The following DSCAM variants were observed in gnomAD, a reference collection of about 807,000 sequenced individuals.
DSCAM encodes DS cell adhesion molecule, also known as cell adhesion molecule DSCAM.
Under a neutral mutation model 217.7 loss-of-function variants are expected in DSCAM, and 47 were observed. That is an observed-to-expected ratio of 0.22 (90% CI 0.17 to 0.28). DSCAM has a LOEUF of 0.28. DSCAM is among the 10% of genes least tolerant of loss of function. The probability of loss-of-function intolerance (pLI) is 1.00; values close to 1 mark genes in which losing one functional copy is unlikely to be tolerated. For missense variants in DSCAM, 2,080 were observed against 2,618.3 expected (o/e 0.79, Z 4.49); for synonymous variants, 1,056 against 1,015.3 (o/e 1.04, Z -0.76).
chr21:40,523,455 G>A (rs1243483247), intron 3 of DSCAM, among the ~76,000 whole-genome samples: 1 of 152,168 alleles, frequency 6.6e-6, no homozygotes, highest in Admixed American at 6.5e-5. Flanking sequence ...CACACCGACA[G>A]AAGCCAGCAG....
At chr21:40,559,269 C>T (rs1417488062) in intron 3 of DSCAM, among the ~76,000 whole-genome samples, 5 of 151,946 alleles carry the variant, frequency 3.3e-5, no homozygotes, top group Non-Finnish European at 7.4e-5. Context: ...CCATCCTGGT[C>T]AACACGGTGA....
intron 3 of DSCAM, among the ~76,000 whole-genome samples, chr21:40,415,100 G>A (rs764999600): frequency 3.9e-5 from 6 of 152,138 alleles, no homozygotes; most frequent in South Asian, 2.1e-4. Flanking sequence ...TGATTTGGAC[G>A]TTTTTCACAT....
At chr21:40,392,254 C>A (rs2075140439) in intron 3 of DSCAM, among the ~76,000 whole-genome samples, 1 of 151,978 alleles carries the variant, frequency 6.6e-6, no homozygotes, top group Non-Finnish European at 1.5e-5. Flanking sequence ...TATTTATGTA[C>A]AGGTATTAAG....
chr21:40,187,750 T>C (rs937652123), intron 13 of DSCAM, 141 bp downstream of exon 13: 1 of 792,986 alleles, frequency 1.3e-6, no homozygotes, highest in Admixed American at 2.1e-5. Context: ...GCTTTAGCAC[T>C]GACATTATAC....
chr21:40,372,122 AG>A (rs1181981647), intron 3 of DSCAM, among the ~76,000 whole-genome samples: 1 of 152,194 alleles, frequency 6.6e-6, no homozygotes, highest in Non-Finnish European at 1.5e-5. Flanking sequence ...GACACAGCTA[AG>A]TCATTAGAGC....
chr21:40,612,737 C>T (rs2089332489), intron 3 of DSCAM, among the ~76,000 whole-genome samples: 3 of 152,106 alleles, frequency 2.0e-5, no homozygotes, highest in Admixed American at 2.0e-4. Context: ...TGGAGATGGA[C>T]AAACTGCAAG....
At chr21:40,738,250 T>C (rs921827638) in intron 1 of DSCAM, among the ~76,000 whole-genome samples, 1 of 152,238 alleles carries the variant, frequency 6.6e-6, no homozygotes, top group Non-Finnish European at 1.5e-5. Context: ...TAAATTAAAA[T>C]GCACAACAGG....
At chr21:40,509,822 A>G (rs780086073) in intron 3 of DSCAM, among the ~76,000 whole-genome samples, 32 of 152,204 alleles carry the variant, frequency 2.1e-4, no homozygotes, top group Non-Finnish European at 2.1e-4. Context: ...ACATGCTTTG[A>G]TCTTTCTCTA....
chr21:40,749,936 T>TC, intron 1 of DSCAM, among the ~76,000 whole-genome samples: 1 of 151,804 alleles, frequency 6.6e-6, no homozygotes, highest in South Asian at 2.1e-4. Context: ...ACTTTCTTCT[T>TC]CTTTTTTTTT....
At chr21:40,761,875 A>G (rs1601227138) in intron 1 of DSCAM, among the ~76,000 whole-genome samples, 1 of 152,198 alleles carries the variant, frequency 6.6e-6, no homozygotes, top group Non-Finnish European at 1.5e-5. Context: ...GTAAATAACA[A>G]AATTAAGGCA....
intron 9 of DSCAM, among the ~76,000 whole-genome samples, chr21:40,297,901 C>G (rs1173827445): frequency 6.6e-6 from 1 of 152,074 alleles, no homozygotes; most frequent in Non-Finnish European, 1.5e-5. Flanking sequence ...TTTGTGCAAA[C>G]TGTAAAATGG....
intron 28 of DSCAM, among the ~76,000 whole-genome samples, chr21:40,062,000 C>T (rs1337355039): frequency 6.6e-6 from 1 of 152,164 alleles, no homozygotes; most frequent in African/African-American, 2.4e-5. Flanking sequence ...GCCTAAAATG[C>T]AAATATCAGG....
chr21:40,260,585 C>T (rs1387366673), intron 11 of DSCAM, among the ~76,000 whole-genome samples: 1 of 152,208 alleles, frequency 6.6e-6, no homozygotes, highest in Non-Finnish European at 1.5e-5. Flanking sequence ...GAAAAGTGAG[C>T]ATCACAACCA....
At chr21:40,138,366 G>GTGTGTTATATGTGTTGTGTGA (rs144015146) in intron 18 of DSCAM, among the ~76,000 whole-genome samples, 13,802 of 150,608 alleles carry the variant, frequency 0.092, 885 homozygotes, top group East Asian at 0.28. Flanking sequence ...GTAGCATGGG[G>GTGTGTTATATGTGTTGTGTGA]TGTGTTACAT....
intron 16 of DSCAM, among the ~76,000 whole-genome samples, chr21:40,155,732 G>A (rs1002880137): frequency 1.3e-5 from 2 of 152,136 alleles, no homozygotes; most frequent in Admixed American, 1.3e-4. Context: ...TGGTAAAGAG[G>A]TCAGTCGGGC....
intron 1 of DSCAM, among the ~76,000 whole-genome samples, chr21:40,711,415 TAAG>T (rs1274818575): frequency 6.6e-6 from 1 of 152,190 alleles, no homozygotes; most frequent in East Asian, 1.9e-4. Flanking sequence ...CTTATAATAA[TAAG>T]ATTTAACCTG....
chr21:40,572,917 T>C (rs548812599), intron 3 of DSCAM, among the ~76,000 whole-genome samples: 1 of 152,190 alleles, frequency 6.6e-6, no homozygotes, highest in Admixed American at 6.5e-5. Flanking sequence ...TAATTATCTC[T>C]AATAGAATAC....
intron 3 of DSCAM, among the ~76,000 whole-genome samples, chr21:40,557,646 T>C (rs900794191): frequency 2.0e-5 from 3 of 152,206 alleles, no homozygotes; most frequent in African/African-American, 7.2e-5. Flanking sequence ...CTTCCTTTTT[T>C]CACCATGTAA....
In DSCAM at chr21:40,224,837, G is replaced by A. The variant is rs75311315; in HGVS notation, c.2357-35599C>T. ...TTACGTTTCATATTTATATGCCAGT[G>A]AATATTCAAGTTAAAAAGGACACTT... is the stretch of plus-strand genomic sequence containing the variant. On this transcript the variant is annotated intron_variant, in intron 11 of 32. Coordinates refer to ENST00000400454, the MANE Select transcript of DSCAM (RefSeq NM_001389.5). Among the ~76,000 whole-genome samples, 1,179 of 152,268 alleles carry A rather than the reference G, an allele frequency of 7.7e-3. 9 individuals are homozygous for A. Among genetic ancestry groups the A allele is most frequent in the Middle Eastern group, 0.017 (5 of 294 alleles).
Sources: allele counts gnomAD v4.1 joint callset (sites outside exome capture counted in the v4.1 genomes callset), GRCh38; gene constraint gnomAD v4.1.1; transcripts MANE v1.5; gene names NCBI Gene and HGNC (gene_info 2026-07-23, HGNC 2026-07-21).